The following SOCS5 variants were observed in gnomAD, a reference collection of about 807,000 sequenced individuals.
The protein encoded by SOCS5 is CIS-6.
A neutral mutation model predicts 42.8 loss-of-function variants in SOCS5; 32 were observed. The observed-to-expected ratio is 0.75, with a 90% CI of 0.56 to 1.01. The LOEUF is 1.01. SOCS5 is among the 50% of genes least tolerant of loss of function. The pLI is 0.00. For synonymous variants in SOCS5, 283 were observed against 229.6 expected, an observed-to-expected ratio of 1.23 and a Z score of -2.10; for missense variants, 627 against 653.0, an observed-to-expected ratio of 0.96 and a Z score of 0.43.
Position 46,759,241 on chromosome 2 carries a change from A to G in SOCS5, c.711A>G (p.Thr237=), listed in dbSNP as rs1405457988. ...AATGGCATTTGATTAAACAGCATAC[A>G]GCTCCTGTGAGCCCACATTCAACAT... The part of the protein sequence containing the change: ...AQKWHLIKQH[T]APVSPHSTFF... The change falls in exon 2 of 2, where the codon ACA becomes ACG. Residue 237 remains threonine (T), a synonymous_variant. Coordinates refer to ENST00000394861, the MANE Select transcript of SOCS5 (RefSeq NM_144949.3). The G allele has an allele frequency of 6.2e-7, 1 of 1,614,022 alleles. No homozygotes were observed.
chr2:46,739,917 T>C (rs150209384), intron 1 of SOCS5, among the ~76,000 whole-genome samples: 186 of 152,346 alleles, frequency 1.2e-3, no homozygotes, highest in African/African-American at 4.0e-3. Context: ...AAAACGCAGC[T>C]GTGACCAGTT....
chr2:46,733,413 A>G (rs1298784576), intron 1 of SOCS5, among the ~76,000 whole-genome samples: 1 of 152,046 alleles, frequency 6.6e-6, no homozygotes, highest in Non-Finnish European at 1.5e-5. Context: ...ATTATTTTAT[A>G]ATAAAGAATA....
intron 1 of SOCS5, among the ~76,000 whole-genome samples, chr2:46,712,246 T>C (rs1425517289): frequency 6.6e-6 from 1 of 151,840 alleles, no homozygotes; most frequent in Non-Finnish European, 1.5e-5. Flanking sequence ...TTGTATATGT[T>C]AGCTATACAT....
chr2:46,751,985 C>G (rs969183164), intron 1 of SOCS5, among the ~76,000 whole-genome samples: 4 of 152,166 alleles, frequency 2.6e-5, no homozygotes, highest in Non-Finnish European at 5.9e-5. Flanking sequence ...TGGCATGCAG[C>G]TATGCTTATT....
At chr2:46,750,627 A>G (rs72802467) in intron 1 of SOCS5, among the ~76,000 whole-genome samples, 7,354 of 152,292 alleles carry the variant, frequency 0.048, 258 homozygotes, top group Non-Finnish European at 0.08. Flanking sequence ...TTACTAATAT[A>G]GAACCATTTG....
rs1274812850 is a variant in SOCS5 at position 46,762,339 on chromosome 2, C to G, written c.*2198C>G. The G allele has an allele frequency of 1.8e-5, 3 of 166,620 alleles. No individual in the cohort carries two copies. Among genetic ancestry groups the G allele is most frequent in the African/African-American group, 7.2e-5 (3 of 41,414 alleles). The allele number at this position is 166,620 out of a possible 1,614,324, so 10.3% of individuals were successfully genotyped here. A position where few individuals can be genotyped will look rare whatever the true frequency, so the allele number is the denominator to read the frequency against. On this transcript the variant is annotated 3_prime_UTR_variant, in exon 2 of 2. Coordinates refer to ENST00000394861, the MANE Select transcript of SOCS5 (RefSeq NM_144949.3). Reference sequence around the variant, plus strand: ...GTTCATACTGATTATTGGAAAAGGACTATATATGTGAGCAAGATTGTGTTT... The same window carrying G: ...GTTCATACTGATTATTGGAAAAGGAGTATATATGTGAGCAAGATTGTGTTT...
chr2:46,716,111 C>T (rs1420709165), intron 1 of SOCS5, among the ~76,000 whole-genome samples: 2 of 137,416 alleles, frequency 1.5e-5, no homozygotes, highest in East Asian at 4.1e-4. Flanking sequence ...GACACCCCCC[C>T]TTTTTTTTTT....
rs1477922709 is a variant in SOCS5 at position 46,761,262 on chromosome 2, A to G, written c.*1121A>G. 2 of 167,124 alleles carry G rather than the reference A, an allele frequency of 1.2e-5. No individual in the cohort carries two copies. Among genetic ancestry groups the G allele is most frequent in the African/African-American group, 2.4e-5 (1 of 41,462 alleles). The allele number at this position is 167,124 out of a possible 1,614,324, so 10.4% of individuals were successfully genotyped here. A position where few individuals can be genotyped will look rare whatever the true frequency, so the allele number is the denominator to read the frequency against. ...TTTGTCACTTAGAATAATATGTACT[A>G]CTACTTGAGTGAGCGCTTTTGGAAG... is the stretch of plus-strand genomic sequence containing the variant. On this transcript the variant is annotated 3_prime_UTR_variant, in exon 2 of 2. Coordinates refer to ENST00000394861, the MANE Select transcript of SOCS5 (RefSeq NM_144949.3).
chr2:46,753,223 T>G (rs1338010175), intron 1 of SOCS5, among the ~76,000 whole-genome samples: 1 of 152,148 alleles, frequency 6.6e-6, no homozygotes, highest in Non-Finnish European at 1.5e-5. Context: ...TTCTTATCCT[T>G]CAGGATAAAA....
Position 46,759,944 on chromosome 2 carries a change from C to A in SOCS5, c.1414C>A (p.Leu472Ile). ...TTCGTGCATGTTTTTTGAACCATTG[C>A]TTACTATATCACTAAATAGGACTTT... ...PSSCMFFEPL[L>I]TISLNRTFPF... The change falls in exon 2 of 2, where the codon CTT (leucine) becomes ATT (isoleucine). Residue 472 changes from leucine (L) to isoleucine (I), a missense_variant. Coordinates refer to ENST00000394861, the MANE Select transcript of SOCS5 (RefSeq NM_144949.3). The A allele has an allele frequency of 6.2e-7, 1 of 1,614,094 alleles. No homozygotes were observed. The highest frequency in any genetic ancestry group is 8.5e-7 in the Non-Finnish European group (1 of 1,180,000).
intron 1 of SOCS5, among the ~76,000 whole-genome samples, chr2:46,741,538 GA>G (rs1336537429): frequency 5.9e-5 from 9 of 151,536 alleles, no homozygotes; most frequent in East Asian, 5.8e-4. Flanking sequence ...GTACAACAAA[GA>G]AAAAAAATGA....
chr2:46,727,678 C>G (rs1245875327), intron 1 of SOCS5, among the ~76,000 whole-genome samples: 1 of 152,090 alleles, frequency 6.6e-6, no homozygotes, highest in Non-Finnish European at 1.5e-5. Flanking sequence ...TAATCTCTCT[C>G]TTAGTTCAGT....
At chr2:46,730,473 G>A (rs1173015679) in intron 1 of SOCS5, among the ~76,000 whole-genome samples, 3 of 152,086 alleles carry the variant, frequency 2.0e-5, no homozygotes, top group African/African-American at 7.2e-5. Flanking sequence ...GGTGGTGGGC[G>A]CCTGTAATCC....
rs1272956462 is a variant in SOCS5 at position 46,712,594 on chromosome 2, G to A, written c.-13+13145G>A. On this transcript the variant is annotated intron_variant, in intron 1 of 1. Coordinates refer to ENST00000394861, the MANE Select transcript of SOCS5 (RefSeq NM_144949.3). ...CCTGACCTCGTGATCCGCCTGCCTCGGCCTCCCAAAGTGCTGGGATTACAG... is the reference window on the plus strand; with the variant it reads ...CCTGACCTCGTGATCCGCCTGCCTCAGCCTCCCAAAGTGCTGGGATTACAG... Among the ~76,000 whole-genome samples, 9 of 152,104 alleles carry A rather than the reference G, an allele frequency of 5.9e-5. No individual in the cohort carries two copies. The East Asian group carries it at 7.7e-4, about 13-fold the overall frequency.
intron 1 of SOCS5, among the ~76,000 whole-genome samples, chr2:46,743,513 T>C (rs1274183556): frequency 1.3e-5 from 2 of 152,182 alleles, no homozygotes; most frequent in Non-Finnish European, 1.5e-5. Context: ...TGTGGCCTTC[T>C]TGGTTTTGGT....
chr2:46,723,495 T>C (rs1314472101), intron 1 of SOCS5, among the ~76,000 whole-genome samples: 2 of 152,068 alleles, frequency 1.3e-5, no homozygotes, highest in Non-Finnish European at 2.9e-5. Flanking sequence ...TGTATTTTGG[T>C]ATATGGGTGT....
chr2:46,748,195 T>C (rs1307399341), intron 1 of SOCS5, among the ~76,000 whole-genome samples: 1 of 150,862 alleles, frequency 6.6e-6, no homozygotes, highest in Non-Finnish European at 1.5e-5. Context: ...TTTTCTTTTT[T>C]TTTTTTTTTT....
chr2:46,713,720 C>T (rs569620294), intron 1 of SOCS5, among the ~76,000 whole-genome samples: 1 of 151,994 alleles, frequency 6.6e-6, no homozygotes, highest in South Asian at 2.1e-4. Flanking sequence ...TCTTTTTTCC[C>T]TAGTTTTAAG....
At chr2:46,703,372 A>T (rs1245019436) in intron 1 of SOCS5, among the ~76,000 whole-genome samples, 4 of 149,584 alleles carry the variant, frequency 2.7e-5, no homozygotes, top group Non-Finnish European at 5.9e-5. Context: ...TTTTTCACTG[A>T]TGCAGAATTT....
Sources: allele counts gnomAD v4.1 joint callset (sites outside exome capture counted in the v4.1 genomes callset), GRCh38; gene constraint gnomAD v4.1.1; transcripts MANE v1.5; gene names NCBI Gene and HGNC (gene_info 2026-07-23, HGNC 2026-07-21).